PNLDC1: variants seen among roughly 807,000 people sequenced by gnomAD.
PNLDC1 encodes the protein PARN like ribonuclease domain containing exonuclease 1.
A neutral mutation model predicts 82.0 loss-of-function variants in PNLDC1; 70 were observed. The observed-to-expected ratio is 0.85, with a 90% confidence interval of 0.70 to 1.04. The LOEUF is 1.04. Among genes scored for constraint, PNLDC1 ranks in the 50% least tolerant of loss-of-function variants. The pLI is 0.00. For missense variants in PNLDC1, 631 were observed against 661.1 expected (o/e 0.95, Z 0.50); for synonymous variants, 280 against 249.3 (o/e 1.12, Z -1.16).
intron 12 of PNLDC1, among the ~76,000 whole-genome samples, chr6:159,813,884 C>A (rs993687539): frequency 6.6e-6 from 1 of 152,320 alleles, no homozygotes; most frequent in Middle Eastern, 3.4e-3. Context: ...AACCCCTGCC[C>A]CTCAAACAGT....
intron 15 of PNLDC1, 56 bp downstream of exon 15, chr6:159,817,207 C>T: frequency 6.6e-7 from 1 of 1,524,416 alleles, no homozygotes; most frequent in South Asian, 1.1e-5. Flanking sequence ...ATTTATTGAG[C>T]CCTTGCTGGA....
Position 159,804,633 on chromosome 6 carries a change from C to A in PNLDC1, c.457C>A (p.Arg153Ser), listed in dbSNP as rs769175302. 2 of 1,601,148 alleles carry A rather than the reference C, an allele frequency of 1.2e-6. No individual in the cohort carries two copies. Among genetic ancestry groups the A allele is most frequent in the Non-Finnish European group, 1.7e-6 (2 of 1,168,632 alleles). ...HDILTGNWRV[R>S]SSPDKDQIKV... is the part of the protein sequence containing the mutation. ...TATCCTGACTGGGAACTGGAGAGTT[C>A]GCAGGTATGGCCTGTTTCTCCAGGT... The change falls in exon 6 of 19, where the codon CGC becomes AGC. Residue 153 changes from arginine (R) to serine (S), a missense_variant. Arg to Ser is a moderately radical substitution (Grantham distance 110). Transcript: ENST00000392167.
chr6:159,814,097 G>C (rs1781736477), intron 12 of PNLDC1, among the ~76,000 whole-genome samples: 1 of 151,964 alleles, frequency 6.6e-6, no homozygotes, highest in African/African-American at 2.4e-5. Context: ...ACATCAACAA[G>C]TGTTCTCCCA....
At chr6:159,818,742 A>C (rs572339871) in intron 16 of PNLDC1, 88 bp downstream of exon 16, 1 of 1,377,102 alleles carries the variant, frequency 7.3e-7, no homozygotes, top group South Asian at 1.2e-5. Context: ...GACTCGTGAG[A>C]GGGATTTCGG....
chr6:159,804,951 G>A (rs903562436), intron 6 of PNLDC1, among the ~76,000 whole-genome samples: 19 of 152,204 alleles, frequency 1.2e-4, no homozygotes, highest in East Asian at 7.7e-4. Flanking sequence ...AGTGCTAGAG[G>A]GGAAGAAATC....
intron 10 of PNLDC1, 77 bp downstream of exon 10, chr6:159,810,172 C>T (rs938321986): frequency 6.7e-6 from 9 of 1,347,728 alleles, no homozygotes; most frequent in Non-Finnish European, 8.5e-6. Flanking sequence ...CAATCATACC[C>T]CTGAGGCAGC....
intron 6 of PNLDC1, among the ~76,000 whole-genome samples, 181 bp downstream of exon 6, chr6:159,804,818 C>T (rs978480637): frequency 2.6e-5 from 4 of 152,220 alleles, no homozygotes; most frequent in African/African-American, 9.6e-5. Context: ...TGGCTTTCAC[C>T]TGTCTCCATC....
At chr6:159,813,897 C>A (rs192882380) in intron 12 of PNLDC1, among the ~76,000 whole-genome samples, 2 of 152,276 alleles carry the variant, frequency 1.3e-5, no homozygotes, top group Admixed American at 6.5e-5. Context: ...CAAACAGTTG[C>A]GCGATTACTG....
chr6:159,801,853 CTG>C (rs1278486291), intron 3 of PNLDC1, among the ~76,000 whole-genome samples: 2 of 151,106 alleles, frequency 1.3e-5, no homozygotes, highest in Non-Finnish European at 2.9e-5. Flanking sequence ...GGAGATCTTT[CTG>C]TATCGGTTCA....
rs1782008056 is a variant in PNLDC1, at chr6:159,820,580, G to T, written c.*63G>T. The T allele has an allele frequency of 4.0e-6, 6 of 1,482,290 alleles. No individual in the cohort carries two copies. The highest frequency in any genetic ancestry group is 4.7e-6 in the Non-Finnish European group (5 of 1,061,970). The allele number at this position is 1,482,290 out of a possible 1,614,324, so 91.8% of individuals were successfully genotyped here. A position where few individuals can be genotyped will look rare whatever the true frequency, so the allele number is the denominator to read the frequency against. Reference sequence around the variant, plus strand: ...ATGCTCTCTGGGAGGTGTGCTGGGTGTGTTCGTGTAAATCAGATTCTGTTT... The same window carrying T: ...ATGCTCTCTGGGAGGTGTGCTGGGTTTGTTCGTGTAAATCAGATTCTGTTT... On this transcript the variant is annotated 3_prime_UTR_variant, in exon 19 of 19. Coordinates refer to ENST00000392167, the MANE Select transcript of PNLDC1 (RefSeq NM_001271862.2).
chr6:159,816,425 G>C, intron 13 of PNLDC1, 118 bp from the exon 14 acceptor site: 3 of 902,944 alleles, frequency 3.3e-6, no homozygotes, highest in Non-Finnish European at 5.6e-6. Flanking sequence ...GCCTGGAGAA[G>C]GGTATGCAGG....
intron 6 of PNLDC1, chr6:159,805,777 A>G (rs1048695644): frequency 1.3e-5 from 7 of 557,650 alleles, no homozygotes; most frequent in Non-Finnish European, 1.9e-5. Context: ...CCTGGATCCT[A>G]TGGAAGGTTG....
chr6:159,817,676 C>G (rs1054120254), intron 15 of PNLDC1, among the ~76,000 whole-genome samples: 1 of 152,192 alleles, frequency 6.6e-6, no homozygotes, highest in Admixed American at 6.5e-5. Context: ...CACGTAGGCA[C>G]CAGAAACACA....
chr6:159,803,600 G>T (rs549155250), intron 4 of PNLDC1, among the ~76,000 whole-genome samples: 1 of 152,324 alleles, frequency 6.6e-6, no homozygotes, highest in East Asian at 1.9e-4. Flanking sequence ...CTGACACAGT[G>T]TGGTGTAATG....
At chr6:159,813,479 A>T in intron 11 of PNLDC1, 122 bp from the exon 12 acceptor site, 2 of 815,544 alleles carry the variant, frequency 2.5e-6, no homozygotes, top group East Asian at 5.0e-5. Context: ...ATTTGAAGAG[A>T]AAGAGGAGGT....
chr6:159,800,175 G>C (rs1196936932), upstream of PNLDC1: 1 of 767,472 alleles, frequency 1.3e-6, no homozygotes, highest in African/African-American at 1.8e-5. Flanking sequence ...GGGGAAGCTG[G>C]GCACGTGGGG....
intron 7 of PNLDC1, among the ~76,000 whole-genome samples, chr6:159,808,023 C>A (rs1445623564): frequency 6.6e-6 from 1 of 152,002 alleles, no homozygotes; most frequent in Non-Finnish European, 1.5e-5. Context: ...AAGGGATTCT[C>A]CTGCCTCAGC....
intron 7 of PNLDC1, among the ~76,000 whole-genome samples, chr6:159,806,955 C>G (rs922149229): frequency 1.4e-5 from 2 of 147,050 alleles, no homozygotes; most frequent in Admixed American, 7.0e-5. Context: ...TGCAATGGCA[C>G]GATTTCAGCT....
chr6:159,809,164 A>G lies in PNLDC1; in HGVS notation c.783+6A>G, dbSNP rs1289085711. 6.2e-7 allele frequency: 1 copy of G among 1,613,418 alleles called. No homozygotes were observed. Among genetic ancestry groups the G allele is most frequent in the African/African-American group, 1.3e-5 (1 of 74,924 alleles). The stretch of plus-strand genomic sequence containing the variant: ...TGCTGGTGAAAGCCCAGAAGGTAGG[A>G]AAACATGTCTCTTTTCTTGGCCTAA... On this transcript the variant is annotated splice_donor_region_variant and intron_variant, in intron 9 of 18. Coordinates refer to ENST00000392167, the MANE Select transcript of PNLDC1 (RefSeq NM_001271862.2).
Sources: allele counts gnomAD v4.1 joint callset (sites outside exome capture counted in the v4.1 genomes callset), GRCh38; gene constraint gnomAD v4.1.1; transcripts MANE v1.5; gene names NCBI Gene and HGNC (gene_info 2026-07-23, HGNC 2026-07-21).